The following GALNTL6 variants were observed in gnomAD, a reference collection of about 807,000 sequenced individuals.
GALNTL6 encodes the protein polypeptide N-acetylgalactosaminyltransferase like 6.
In GALNTL6, 46 loss-of-function variants were observed where a neutral mutation model predicts 73.7. The observed-to-expected ratio is 0.62, with a 90% confidence interval of 0.49 to 0.80. The LOEUF (loss-of-function observed/expected upper bound fraction) is 0.80, where lower values mean the gene tolerates loss of function less well. Ranked by LOEUF, GALNTL6 falls within the 30% of genes least tolerant of loss-of-function variation. The pLI is 0.00. For synonymous variants in GALNTL6, 259 were observed against 263.7 expected (o/e 0.98, Z 0.17); for missense variants, 604 against 755.0 (o/e 0.80, Z 2.34).
At chr4:172,731,904 A>G (rs1455336236) in intron 5 of GALNTL6, among the ~76,000 whole-genome samples, 1 of 152,180 alleles carries the variant, frequency 6.6e-6, no homozygotes, top group Admixed American at 6.5e-5. Context: ...CAGAGAAAAT[A>G]CTTGATATTA....
Position 172,081,853 on chromosome 4 carries a change from C to A in GALNTL6, c.139-147803C>A, listed in dbSNP as rs1325180823. The stretch of plus-strand genomic sequence containing the variant: ...AGTGGAGAGAGTCAAATAATGTTTT[C>A]TTTTTTCTTTATTTATTTATTCCTT... On this transcript the variant is annotated intron_variant, in intron 2 of 12. Transcript: ENST00000506823. 2.0e-5 allele frequency among the ~76,000 whole-genome samples: 3 copies of A among 148,480 alleles called. No individual in the cohort carries two copies. The Admixed American group carries it at 2.1e-4, about 10-fold the overall frequency.
intron 5 of GALNTL6, among the ~76,000 whole-genome samples, chr4:172,479,115 A>G (rs535812400): frequency 2.0e-5 from 3 of 152,294 alleles, no homozygotes; most frequent in African/African-American, 7.2e-5. Context: ...AGATTTCTCA[A>G]AGAACTAAAA....
chr4:172,810,438 T>C (rs1299041888), intron 6 of GALNTL6, among the ~76,000 whole-genome samples: 2 of 152,218 alleles, frequency 1.3e-5, no homozygotes, highest in African/African-American at 4.8e-5. Context: ...TTTCCCACTT[T>C]GCTAAATCAA....
intron 2 of GALNTL6, among the ~76,000 whole-genome samples, chr4:171,978,625 A>G (rs1739792069): frequency 6.6e-6 from 1 of 152,224 alleles, no homozygotes; most frequent in Non-Finnish European, 1.5e-5. Context: ...AGCCAACTCT[A>G]AAAACTCTTA....
intron 7 of GALNTL6, among the ~76,000 whole-genome samples, chr4:172,867,056 A>C (rs997461685): frequency 4.6e-5 from 7 of 152,160 alleles, no homozygotes; most frequent in African/African-American, 1.7e-4. Flanking sequence ...TCAGTCTTTA[A>C]AAGTCTGAGA....
intron 2 of GALNTL6, among the ~76,000 whole-genome samples, chr4:172,175,670 A>G (rs183620538): frequency 7.9e-5 from 12 of 152,340 alleles, no homozygotes; most frequent in African/African-American, 2.9e-4. Context: ...CTCATTGAAG[A>G]TTCTTAAGCA....
intron 2 of GALNTL6, among the ~76,000 whole-genome samples, chr4:172,039,293 T>C (rs1182372022): frequency 2.6e-5 from 4 of 152,212 alleles, no homozygotes; most frequent in Admixed American, 2.0e-4. Flanking sequence ...TATTTTACAT[T>C]TTCAGACTTC....
chr4:172,346,774 G>A (rs1741755731), intron 4 of GALNTL6, among the ~76,000 whole-genome samples: 1 of 152,100 alleles, frequency 6.6e-6, no homozygotes, highest in Non-Finnish European at 1.5e-5. Flanking sequence ...TGAATGAATA[G>A]AATGGATCCT....
At chr4:171,899,774 T>C (rs557757484) in intron 2 of GALNTL6, among the ~76,000 whole-genome samples, 60 of 152,336 alleles carry the variant, frequency 3.9e-4, no homozygotes, top group African/African-American at 1.4e-3. Context: ...TATAAAAATA[T>C]GGAGAATTCG....
intron 8 of GALNTL6, among the ~76,000 whole-genome samples, chr4:172,916,233 G>A (rs985337013): frequency 6.6e-6 from 1 of 152,130 alleles, no homozygotes. Flanking sequence ...ACTAGGTATT[G>A]ATGGGACGTA....
In GALNTL6 at chr4:172,229,692, T is replaced by G. The variant is rs767259832; in HGVS notation, c.175T>G (p.Ser59Ala). ...PLGLGDGQFY[S>A]WTDGLRRKDW... The stretch of plus-strand genomic sequence containing the variant: ...GGGCCTGGGAGATGGGCAATTCTAT[T>G]CATGGACAGATGGTTTGAGAAGAAA... Residue 59 changes from serine (S) to alanine (A), a missense_variant, in exon 3 of 13, where the codon TCA (serine) becomes GCA (alanine). Ser to Ala is a moderately conservative substitution (Grantham distance 99). Around this residue, in one of 5 missense-constraint regions of GALNTL6, gnomAD observed 141 missense variants for 156.6 expected, o/e 0.90. Transcript: ENST00000506823. 7 of 1,613,904 alleles carry G rather than the reference T, an allele frequency of 4.3e-6. No individual in the cohort carries two copies. The South Asian group carries it at 7.7e-5, about 18-fold the overall frequency.
intron 5 of GALNTL6, among the ~76,000 whole-genome samples, chr4:172,649,007 A>G (rs1427209496): frequency 6.6e-6 from 1 of 152,178 alleles, no homozygotes; most frequent in East Asian, 1.9e-4. Flanking sequence ...TCAAGTTCTA[A>G]TTTAATAGTT....
At chr4:172,842,627 A>G (rs1482544891) in intron 7 of GALNTL6, among the ~76,000 whole-genome samples, 1 of 152,004 alleles carries the variant, frequency 6.6e-6, no homozygotes, top group African/African-American at 2.4e-5. Context: ...TTTTGAAAAG[A>G]CCACCAAGGC....
chr4:171,850,723 A>G (rs2110860068), intron 2 of GALNTL6, among the ~76,000 whole-genome samples: 1 of 152,300 alleles, frequency 6.6e-6, no homozygotes, highest in South Asian at 2.1e-4. Flanking sequence ...ACTCCAAAAC[A>G]AAGAGGGTAT....
chr4:172,331,048 C>T (rs1020628610), intron 4 of GALNTL6, among the ~76,000 whole-genome samples: 1 of 151,872 alleles, frequency 6.6e-6, no homozygotes, highest in Non-Finnish European at 1.5e-5. Context: ...TCATTATCTT[C>T]TTGAACATAA....
At chr4:172,402,217 G>T (rs1744068553) in intron 5 of GALNTL6, among the ~76,000 whole-genome samples, 1 of 152,012 alleles carries the variant, frequency 6.6e-6, no homozygotes, top group Admixed American at 6.6e-5. Context: ...TATGCTGTGT[G>T]CCTGGCTTAG....
chr4:172,462,224 A>T (rs1732645291), intron 5 of GALNTL6, among the ~76,000 whole-genome samples: 1 of 152,154 alleles, frequency 6.6e-6, no homozygotes, highest in East Asian at 1.9e-4. Context: ...TTTGGCCTCC[A>T]TATCCATGTG....
At chr4:172,694,801 A>C (rs1218950841) in intron 5 of GALNTL6, among the ~76,000 whole-genome samples, 1 of 152,230 alleles carries the variant, frequency 6.6e-6, no homozygotes, top group Non-Finnish European at 1.5e-5. Flanking sequence ...GATAAAATAT[A>C]ACCATGGGCT....
intron 2 of GALNTL6, among the ~76,000 whole-genome samples, chr4:172,040,264 T>G (rs1742046375): frequency 6.6e-6 from 1 of 152,126 alleles, no homozygotes; most frequent in Non-Finnish European, 1.5e-5. Context: ...AAAATAAATT[T>G]TAGACTGGTA....
Sources: allele counts gnomAD v4.1 joint callset (sites outside exome capture counted in the v4.1 genomes callset), GRCh38; gene constraint gnomAD v4.1.1; regional missense constraint gnomAD v4.1.1; transcripts MANE v1.5; gene names NCBI Gene and HGNC (gene_info 2026-07-23, HGNC 2026-07-21).